The following CPA6 variants were observed in gnomAD, a reference collection of about 807,000 sequenced individuals.
The protein encoded by CPA6 is carboxypeptidase A6, also known as carboxypeptidase B.
In CPA6, 58 loss-of-function variants were observed where a neutral mutation model predicts 63.3. The ratio of observed to expected loss-of-function variants is 0.92; its 90% CI spans 0.74 to 1.14. The LOEUF is 1.14. CPA6 is among the 50% of genes most tolerant of loss of function. The probability of loss-of-function intolerance (pLI) is 0.00; values close to 1 mark genes in which losing one functional copy is unlikely to be tolerated. For missense variants in CPA6, 565 were observed against 526.6 expected, an observed-to-expected ratio of 1.07 and a Z score of -0.71; for synonymous variants, 185 against 179.0, an observed-to-expected ratio of 1.03 and a Z score of -0.27.
chr8:67,576,757 C>T (rs1813636376), intron 2 of CPA6, among the ~76,000 whole-genome samples: 1 of 152,160 alleles, frequency 6.6e-6, no homozygotes, highest in Admixed American at 6.5e-5. Flanking sequence ...GCATTCTTAT[C>T]ACTTTACAAT....
chr8:67,561,803 G>T (rs1813220062), intron 2 of CPA6, among the ~76,000 whole-genome samples: 1 of 152,144 alleles, frequency 6.6e-6, no homozygotes, highest in African/African-American at 2.4e-5. Flanking sequence ...GCATGATGGG[G>T]CATCTTACTT....
In CPA6 at chr8:67,540,660, C is replaced by T. The variant is rs184738133; in HGVS notation, c.193-22613G>A. ...AGAGATGGGAGTTTTATCTATAAGC[C>T]CCTTACTGGGGCTGCAGCCTTTCTT... On this transcript the variant is annotated intron_variant, in intron 2 of 10. Transcript: ENST00000297770. Among the ~76,000 whole-genome samples, 952 of 152,362 alleles carry T rather than the reference C, an allele frequency of 6.2e-3. 7 individuals are homozygous for T. The highest frequency in any genetic ancestry group is 0.011 in the Non-Finnish European group (753 of 68,034).
At chr8:67,563,746 A>G (rs1274022339) in intron 2 of CPA6, among the ~76,000 whole-genome samples, 1 of 152,022 alleles carries the variant, frequency 6.6e-6, no homozygotes, top group African/African-American at 2.4e-5. Context: ...TTCTTTTCTC[A>G]TGCTTTCTCT....
At chr8:67,648,196 C>T (rs576136867) in intron 1 of CPA6, among the ~76,000 whole-genome samples, 34 of 150,358 alleles carry the variant, frequency 2.3e-4, no homozygotes, top group Admixed American at 1.6e-3. Flanking sequence ...GCCTATGTAC[C>T]GCAGAGACTG....
At chr8:67,693,003 C>A (rs1040298900) in intron 1 of CPA6, among the ~76,000 whole-genome samples, 3 of 152,138 alleles carry the variant, frequency 2.0e-5, no homozygotes, top group African/African-American at 7.2e-5. Flanking sequence ...GAAACCTGAA[C>A]AAAAATTCCA....
chr8:67,499,614 A>G (rs1008245636), intron 6 of CPA6, among the ~76,000 whole-genome samples: 2 of 152,088 alleles, frequency 1.3e-5, no homozygotes, highest in Admixed American at 6.6e-5. Flanking sequence ...CACATTCCTC[A>G]TGTTGCCCTT....
chr8:67,434,798 C>T (rs975361568), intron 8 of CPA6, among the ~76,000 whole-genome samples: 3 of 152,200 alleles, frequency 2.0e-5, no homozygotes, highest in Admixed American at 6.5e-5. Flanking sequence ...ACGGCAGTGG[C>T]GGTGGCCCCA....
At chr8:67,483,070 A>T (rs1162960447) in intron 8 of CPA6, among the ~76,000 whole-genome samples, 2 of 152,180 alleles carry the variant, frequency 1.3e-5, no homozygotes, top group African/African-American at 4.8e-5. Context: ...CTATATTTTG[A>T]GGGACCTACA....
At chr8:67,439,859 C>T (rs938239861) in intron 8 of CPA6, among the ~76,000 whole-genome samples, 8 of 152,072 alleles carry the variant, frequency 5.3e-5, no homozygotes, top group Admixed American at 1.3e-4. Flanking sequence ...TTCCTGAGCT[C>T]AAGCAATCCT....
chr8:67,488,591 A>C (rs539077569), intron 6 of CPA6, among the ~76,000 whole-genome samples: 54 of 152,316 alleles, frequency 3.5e-4, no homozygotes, highest in African/African-American at 1.3e-3. Context: ...TCTGTGAAGA[A>C]AGTCATTGGT....
At chr8:67,576,449 A>G (rs1220243874) in intron 2 of CPA6, among the ~76,000 whole-genome samples, 1 of 152,220 alleles carries the variant, frequency 6.6e-6, no homozygotes, top group Non-Finnish European at 1.5e-5. Context: ...TCACATAGAC[A>G]TAAATCCCAC....
intron 1 of CPA6, among the ~76,000 whole-genome samples, chr8:67,652,714 C>T (rs1347746431): frequency 4.0e-5 from 6 of 151,464 alleles, no homozygotes; most frequent in Non-Finnish European, 7.4e-5. Context: ...ATGGTAGTTT[C>T]TTTTCCTGTG....
Position 67,518,509 on chromosome 8 carries a change from C to CTTT in CPA6, c.193-465_193-463dup, listed in dbSNP as rs71554610. 2.4e-4 allele frequency among the ~76,000 whole-genome samples: 31 copies of CTTT among 129,848 alleles called. No homozygotes were observed. In the South Asian group the frequency reaches 4.7e-3, roughly 20 times the overall value. 85.2% of individuals were successfully genotyped at this position (129,848 alleles called of 152,430 possible). A position where few individuals can be genotyped will look rare whatever the true frequency, so the allele number is the denominator to read the frequency against. ...CTTTTTTTTCTTTTTCTTTTCTTTT[C>CTTT]TTTTTTTTTTTTTTTGAGACAGAGT... On this transcript the variant is annotated intron_variant, in intron 2 of 10. Transcript: ENST00000297770.
intron 8 of CPA6, among the ~76,000 whole-genome samples, chr8:67,444,014 C>T (rs1191180980): frequency 3.5e-5 from 5 of 144,926 alleles, no homozygotes; most frequent in Non-Finnish European, 6.0e-5. Context: ...TTTTCTGAGA[C>T]GGAGTCTCGC....
chr8:67,514,069 T>A (rs557915222), intron 3 of CPA6, among the ~76,000 whole-genome samples: 1 of 152,052 alleles, frequency 6.6e-6, no homozygotes, highest in South Asian at 2.1e-4. Context: ...GCGATTCTCA[T>A]GTCTCAGCCT....
At chr8:67,728,660 C>T (rs375759820) in intron 1 of CPA6, among the ~76,000 whole-genome samples, 10 of 152,300 alleles carry the variant, frequency 6.6e-5, no homozygotes, top group African/African-American at 2.2e-4. Flanking sequence ...CTGCAAATAG[C>T]TTACATTTAT....
intron 1 of CPA6, among the ~76,000 whole-genome samples, chr8:67,630,067 C>T (rs966638386): frequency 1.5e-4 from 22 of 151,196 alleles, no homozygotes; most frequent in African/African-American, 2.9e-4. Flanking sequence ...ATTGCACCAC[C>T]GCACTCCAGT....
chr8:67,563,434 G>C (rs927131348), intron 2 of CPA6, among the ~76,000 whole-genome samples: 1 of 152,120 alleles, frequency 6.6e-6, no homozygotes, highest in African/African-American at 2.4e-5. Context: ...TAACAACTTA[G>C]GAAGGTTAGC....
chr8:67,447,856 C>G (rs1226611404), intron 8 of CPA6, among the ~76,000 whole-genome samples: 1 of 152,182 alleles, frequency 6.6e-6, no homozygotes, highest in South Asian at 2.1e-4. Context: ...ACCATCTCAG[C>G]TCACTGCAAC....
Sources: gnomAD v4.1 joint callset for allele counts (sites outside exome capture counted in the v4.1 genomes callset) on GRCh38, gnomAD v4.1.1 for gene constraint, MANE v1.5 for transcripts, NCBI Gene and HGNC (gene_info 2026-07-23, HGNC 2026-07-21) for gene names.